FRYL: variants seen among roughly 807,000 people sequenced by gnomAD.
FRYL encodes the protein FRY like transcription coactivator.
FRYL carries 150 observed loss-of-function variants against 351.2 expected under a neutral mutation model. The ratio of observed to expected loss-of-function variants is 0.43; its 90% CI spans 0.37 to 0.49. The LOEUF (loss-of-function observed/expected upper bound fraction) is 0.49. Ranked by LOEUF, FRYL falls within the 20% of genes least tolerant of loss-of-function variation. The pLI is 0.00. For synonymous variants in FRYL, 1,153 were observed against 1,257.1 expected (o/e 0.92, Z 1.75); for missense variants, 3,036 against 3,619.3 (o/e 0.84, Z 4.13).
chr4:48,708,985 G>A (rs568705322), intron 2 of FRYL, among the ~76,000 whole-genome samples: 23 of 151,028 alleles, frequency 1.5e-4, no homozygotes, highest in Non-Finnish European at 2.7e-4. Flanking sequence ...GCGGTGGCGC[G>A]ATCTCGGCTC....
intron 1 of FRYL, among the ~76,000 whole-genome samples, chr4:48,715,253 G>T (rs1452685594): frequency 3.3e-5 from 5 of 151,542 alleles, no homozygotes; most frequent in Non-Finnish European, 5.9e-5. Flanking sequence ...ATTCAACATA[G>T]TGTTGGAAGT....
At chr4:48,774,549 T>C (rs2109430398) in intron 1 of FRYL, among the ~76,000 whole-genome samples, 1 of 151,034 alleles carries the variant, frequency 6.6e-6, no homozygotes, top group African/African-American at 2.4e-5. Context: ...ACAAATAATT[T>C]TTTTTTTTTT....
chr4:48,625,652 G>C (rs1327980162), intron 4 of FRYL, among the ~76,000 whole-genome samples: 3 of 152,052 alleles, frequency 2.0e-5, no homozygotes, highest in Non-Finnish European at 1.5e-5. Context: ...CAAATACCAC[G>C]CCATGTTATA....
At position 48,525,435 on chromosome 4, in the gene FRYL, C is replaced by G. The variant is rs891180693; in HGVS notation, c.7317+2042G>C. Among the ~76,000 whole-genome samples, 4 of 152,226 alleles carry G rather than the reference C, an allele frequency of 2.6e-5. No individual in the cohort carries two copies. The South Asian group carries it at 6.2e-4, about 24-fold the overall frequency. ...AGGCACCATGGTCACATCCTCACAT[C>G]TGCAGGGGGCACTGAGGCATGTTGA... On this transcript the variant is annotated intron_variant, in intron 53 of 63. Transcript: ENST00000358350.
chr4:48,715,171 G>C (rs1327991315), intron 1 of FRYL, among the ~76,000 whole-genome samples: 1 of 151,798 alleles, frequency 6.6e-6, no homozygotes, highest in Admixed American at 6.6e-5. Context: ...ATATCATACT[G>C]AATGGGCAAA....
chr4:48,569,988 G>A (rs937750002), intron 27 of FRYL, among the ~76,000 whole-genome samples: 4 of 151,842 alleles, frequency 2.6e-5, no homozygotes, highest in East Asian at 1.9e-4. Flanking sequence ...GATTGTTTGC[G>A]TTTTTTATAG....
intron 47 of FRYL, 41 bp downstream of exon 47, chr4:48,539,930 A>C: frequency 7.1e-7 from 1 of 1,402,524 alleles, no homozygotes; most frequent in African/African-American, 1.4e-5. Context: ...CTACAAAATA[A>C]TTTCCCTATA....
chr4:48,546,765 G>T (rs1310827144), intron 41 of FRYL: 1 of 153,642 alleles, frequency 6.5e-6, no homozygotes, highest in Non-Finnish European at 1.4e-5. Flanking sequence ...ATTGGTAAGA[G>T]AAGCCTTAAA....
In FRYL at chr4:48,739,421, A is replaced by AAAAAAAAAAAT. The variant is rs56312141; in HGVS notation, c.-383-28724_-383-28723insATTTTTTTTTT. 1.7e-5 allele frequency among the ~76,000 whole-genome samples: 2 copies of AAAAAAAAAAAT among 117,114 alleles called. 1 individual carries two copies. The allele number at this position is 117,114 out of a possible 152,430, so 76.8% of individuals were successfully genotyped here. ...GTCTCAAAAAAAAAAAAAAAAAAAA[A>AAAAAAAAAAAT]CAACTAATCTTTGAAAATGGAGCAA... On this transcript the variant is annotated intron_variant, in intron 1 of 63. Coordinates refer to ENST00000358350, the MANE Select transcript of FRYL (RefSeq NM_015030.2).
chr4:48,706,081 C>T (rs1190788246), intron 2 of FRYL, among the ~76,000 whole-genome samples: 1 of 152,192 alleles, frequency 6.6e-6, no homozygotes, highest in Non-Finnish European at 1.5e-5. Context: ...AGGTGACCTG[C>T]CTCAATCTCC....
At chr4:48,519,767 C>T (rs1156565178) in intron 55 of FRYL, among the ~76,000 whole-genome samples, 5 of 151,436 alleles carry the variant, frequency 3.3e-5, no homozygotes, top group African/African-American at 1.2e-4. Flanking sequence ...CAGAGTCTCG[C>T]ACTGTTGCCA....
At chr4:48,647,238 T>A (rs1408477974) in intron 3 of FRYL, among the ~76,000 whole-genome samples, 2 of 152,164 alleles carry the variant, frequency 1.3e-5, no homozygotes, top group Admixed American at 1.3e-4. Flanking sequence ...ACTAGGGATG[T>A]CCCAAACTCC....
In FRYL at chr4:48,540,787, C is replaced by T. The variant is rs752722074; in HGVS notation, c.5861G>A (p.Arg1954Gln). ...LSLIGDRRGD[R>Q]RRSNTLDIMD... ...TATATCCAGTGTGTTACTCCGCCGC[C>T]GGTCACCTCGTCGGTCACCAATCAA... Residue 1954 changes from arginine to glutamine, a missense_variant, in exon 46 of 64, where the codon CGG (arginine) becomes CAG (glutamine). By Grantham distance (43) the Arg-to-Gln change is conservative. Around this residue, in one of 7 missense-constraint regions of FRYL, gnomAD observed 1,987 missense variants for 2,311.7 expected, o/e 0.86. Coordinates refer to ENST00000358350, the MANE Select transcript of FRYL (RefSeq NM_015030.2). 2.5e-6 allele frequency: 4 copies of T among 1,613,886 alleles called. No homozygotes were observed. The highest frequency in any genetic ancestry group is 3.4e-6 in the Non-Finnish European group (4 of 1,179,884).
At chr4:48,564,680 T>C (rs1736356221) in intron 30 of FRYL, among the ~76,000 whole-genome samples, 2 of 152,206 alleles carry the variant, frequency 1.3e-5, no homozygotes, top group South Asian at 4.1e-4. Flanking sequence ...TAGAACCCTG[T>C]TGAGAGACAC....
At chr4:48,777,047 A>C (rs1776096203) in intron 1 of FRYL, among the ~76,000 whole-genome samples, 1 of 152,208 alleles carries the variant, frequency 6.6e-6, no homozygotes, top group Non-Finnish European at 1.5e-5. Context: ...AATTTAAAAA[A>C]AAAACAAAAA....
chr4:48,559,344 G>C (rs538025874), intron 33 of FRYL, among the ~76,000 whole-genome samples: 1 of 151,182 alleles, frequency 6.6e-6, no homozygotes, highest in Non-Finnish European at 1.5e-5. Flanking sequence ...ACTTCCTGGA[G>C]GGAGATGAGA....
chr4:48,751,848 T>TC (rs1477710764), intron 1 of FRYL, among the ~76,000 whole-genome samples: 1 of 151,624 alleles, frequency 6.6e-6, no homozygotes, highest in Non-Finnish European at 1.5e-5. Context: ...ATTTTTTTTT[T>TC]TTTTTGGTCA....
intron 1 of FRYL, among the ~76,000 whole-genome samples, chr4:48,766,920 T>A (rs1480962130): frequency 2.0e-5 from 3 of 150,306 alleles, no homozygotes; most frequent in African/African-American, 7.3e-5. Context: ...ATGTTTTCAA[T>A]TCATTAAAAT....
At chr4:48,746,537 T>TC (rs893886230) in intron 1 of FRYL, among the ~76,000 whole-genome samples, 1 of 146,000 alleles carries the variant, frequency 6.8e-6, no homozygotes, top group Non-Finnish European at 1.5e-5. Context: ...AGAGCAAGAC[T>TC]CCGTTTTAAA....
Sources: gnomAD v4.1 joint callset for allele counts (sites outside exome capture counted in the v4.1 genomes callset) on GRCh38, gnomAD v4.1.1 for gene constraint, gnomAD v4.1.1 regional missense constraint, MANE v1.5 for transcripts, NCBI Gene and HGNC (gene_info 2026-07-23, HGNC 2026-07-21) for gene names.